Variants in PLXNA4 observed in about 807,000 individuals in gnomAD.
The protein encoded by PLXNA4 is plexin A4.
PLXNA4 carries 44 observed loss-of-function variants against 191.8 expected under a neutral mutation model. The observed-to-expected ratio is 0.23, with a 90% confidence interval of 0.18 to 0.29. PLXNA4 has a LOEUF of 0.29. Among genes scored for constraint, PLXNA4 ranks in the 10% least tolerant of loss-of-function variants. The probability of loss-of-function intolerance (pLI) is 1.00; values close to 1 mark genes in which losing one functional copy is unlikely to be tolerated. For missense variants in PLXNA4, 1,800 were observed against 2,488.8 expected, an observed-to-expected ratio of 0.72 and a Z score of 5.89; for synonymous variants, 1,082 against 1,009.5, an observed-to-expected ratio of 1.07 and a Z score of -1.36.
intron 1 of PLXNA4, among the ~76,000 whole-genome samples, chr7:132,510,900 T>C (rs570358401): frequency 6.6e-6 from 1 of 152,244 alleles, no homozygotes; most frequent in Non-Finnish European, 1.5e-5. Context: ...AGCTTCAGCC[T>C]TGCCAGGATG....
chr7:132,320,228 G>A (rs986380738), intron 3 of PLXNA4, among the ~76,000 whole-genome samples: 1 of 152,214 alleles, frequency 6.6e-6, no homozygotes, highest in African/African-American at 2.4e-5. Context: ...TCACAGCTCT[G>A]GAGATTAGAA....
intron 1 of PLXNA4, among the ~76,000 whole-genome samples, chr7:132,527,589 T>C (rs1490280155): frequency 2.8e-5 from 4 of 143,714 alleles, no homozygotes; most frequent in Non-Finnish European, 4.5e-5. Flanking sequence ...AAGCAACCTC[T>C]AGTGAACGGA....
intron 2 of PLXNA4, among the ~76,000 whole-genome samples, chr7:132,641,312 A>G (rs1279146825): frequency 6.6e-6 from 1 of 152,222 alleles, no homozygotes; most frequent in Admixed American, 6.5e-5. Context: ...AGATCAAGGT[A>G]CAGGCAGCTT....
intron 3 of PLXNA4, among the ~76,000 whole-genome samples, chr7:132,479,586 C>T (rs1229705872): frequency 6.6e-6 from 1 of 152,238 alleles, no homozygotes; most frequent in Non-Finnish European, 1.5e-5. Context: ...TGCCGCCCGG[C>T]AGTGGGTGTC....
chr7:132,389,212 G>T (rs940013436), intron 3 of PLXNA4, among the ~76,000 whole-genome samples: 2 of 152,110 alleles, frequency 1.3e-5, no homozygotes, highest in African/African-American at 4.8e-5. Flanking sequence ...CCATTCTGTA[G>T]GTTCCTGTTC....
intron 4 of PLXNA4, among the ~76,000 whole-genome samples, chr7:132,255,777 G>A (rs1799410743): frequency 6.6e-6 from 1 of 152,154 alleles, no homozygotes; most frequent in South Asian, 2.1e-4. Context: ...CCAGTTCCCT[G>A]TCTCTTTCTC....
At chr7:132,149,518 C>G (rs1013828274) in intron 25 of PLXNA4, among the ~76,000 whole-genome samples, 3 of 152,172 alleles carry the variant, frequency 2.0e-5, no homozygotes, top group African/African-American at 2.4e-5. Context: ...ACTCATGCAG[C>G]ACACACATGT....
At chr7:132,228,233 G>C in intron 6 of PLXNA4, 113 bp downstream of exon 6, 1 of 1,415,406 alleles carries the variant, frequency 7.1e-7, no homozygotes, top group South Asian at 1.3e-5. Context: ...AGCTGCTTCT[G>C]CTGGCCGGGC....
chr7:132,300,792 T>C (rs1158994232), intron 3 of PLXNA4, among the ~76,000 whole-genome samples: 1 of 152,226 alleles, frequency 6.6e-6, no homozygotes, highest in Non-Finnish European at 1.5e-5. Flanking sequence ...CTGGCTGGTC[T>C]CCAGCCCCCT....
chr7:132,499,003 A>G (rs956260943), intron 2 of PLXNA4, among the ~76,000 whole-genome samples: 2 of 152,240 alleles, frequency 1.3e-5, no homozygotes, highest in African/African-American at 4.8e-5. Context: ...TTCACTCATC[A>G]TGAAAACAAG....
chr7:132,560,657 G>T (rs1235533029), intron 1 of PLXNA4, among the ~76,000 whole-genome samples: 3 of 151,998 alleles, frequency 2.0e-5, no homozygotes, highest in Non-Finnish European at 4.4e-5. Context: ...AATTCACCTT[G>T]TTCAGAAAAG....
intron 1 of PLXNA4, among the ~76,000 whole-genome samples, chr7:132,516,544 A>G (rs1053262489): frequency 1.3e-5 from 2 of 152,228 alleles, no homozygotes; most frequent in Non-Finnish European, 2.9e-5. Flanking sequence ...ACAATGCAGG[A>G]GATGCCAGTT....
chr7:132,255,083 A>G (rs1799388973), intron 4 of PLXNA4, among the ~76,000 whole-genome samples: 1 of 152,170 alleles, frequency 6.6e-6, no homozygotes, highest in African/African-American at 2.4e-5. Context: ...CCCCAATACC[A>G]AAATGCCATT....
In PLXNA4 at chr7:132,147,745, C is replaced by T. The variant is rs575730449; in HGVS notation, c.4864+155G>A. Among the ~76,000 whole-genome samples the T allele has an allele frequency of 8.8e-4, 134 of 152,248 alleles. 4 individuals are homozygous for T. The South Asian group carries it at 0.027, about 30-fold the overall frequency. On this transcript the variant is annotated intron_variant, in intron 27 of 31. Transcript: ENST00000321063. ...CAGAGTGCCCGACTGAAACCAGGGT[C>T]CTCTTCCCCCACCTGGCTCTCTTCC...
In PLXNA4 at chr7:132,127,740, T is replaced by TC. The variant is rs978156447; in HGVS notation, c.*2738dup. On this transcript the variant is annotated 3_prime_UTR_variant, in exon 32 of 32. Transcript: ENST00000321063. ...TAAAGTCAAACCAGCCCCAAACCCC[T>TC]CCCCCAGGAGAAATGGGGACAGCCA... 1 of 151,872 alleles carries TC rather than the reference T, an allele frequency of 6.6e-6. No individual in the cohort carries two copies. The highest frequency in any genetic ancestry group is 2.4e-5 in the African/African-American group (1 of 41,334). 9.4% of individuals were successfully genotyped at this position (151,872 alleles called of 1,614,324 possible).
intron 4 of PLXNA4, among the ~76,000 whole-genome samples, chr7:132,253,297 G>A (rs1024683673): frequency 3.4e-5 from 5 of 148,550 alleles, no homozygotes; most frequent in Non-Finnish European, 5.9e-5. Flanking sequence ...GTGCAGTGGC[G>A]CGATCTCAGC....
At chr7:132,509,061 T>C (rs1021379331) in intron 1 of PLXNA4, among the ~76,000 whole-genome samples, 1 of 152,144 alleles carries the variant, frequency 6.6e-6, no homozygotes, top group Admixed American at 6.5e-5. Flanking sequence ...ACAGCCATTA[T>C]CTACTGAGTG....
At chr7:132,605,543 G>A (rs931908993) in intron 2 of PLXNA4, among the ~76,000 whole-genome samples, 1 of 152,058 alleles carries the variant, frequency 6.6e-6, no homozygotes, top group Non-Finnish European at 1.5e-5. Flanking sequence ...AGGTGGCATT[G>A]GTAGATTTGG....
chr7:132,292,051 T>C (rs1461964491), intron 4 of PLXNA4, among the ~76,000 whole-genome samples: 1 of 152,126 alleles, frequency 6.6e-6, no homozygotes, highest in African/African-American at 2.4e-5. Flanking sequence ...CTCCTCAGCC[T>C]CCCAAAATGC....
Sources: gnomAD v4.1 joint callset for allele counts (sites outside exome capture counted in the v4.1 genomes callset) on GRCh38, gnomAD v4.1.1 for gene constraint, MANE v1.5 for transcripts, NCBI Gene and HGNC (gene_info 2026-07-23, HGNC 2026-07-21) for gene names.